ASAP3: variants seen among roughly 807,000 people sequenced by gnomAD.
ASAP3 encodes arf-GAP with SH3 domain, ANK repeat and PH domain-containing protein 3.
In ASAP3, 85 loss-of-function variants were observed where a neutral mutation model predicts 118.2. The ratio of observed to expected loss-of-function variants is 0.72; its 90% CI spans 0.60 to 0.86. ASAP3 has a LOEUF of 0.86. Among genes scored for constraint, ASAP3 ranks in the 40% least tolerant of loss-of-function variants. ASAP3 has a pLI of 0.00. For missense variants in ASAP3, 1,026 were observed against 1,175.0 expected, an observed-to-expected ratio of 0.87 and a Z score of 1.85; for synonymous variants, 432 against 477.4, an observed-to-expected ratio of 0.90 and a Z score of 1.24.
chr1:23,483,870 G>C, intron 1 of ASAP3, 135 bp downstream of exon 1: 1 of 973,096 alleles, frequency 1.0e-6, no homozygotes, highest in Non-Finnish European at 1.3e-6. Flanking sequence ...GATGCGCTCG[G>C]TCCTCCCAGA....
chr1:23,442,235 C>T lies in ASAP3; in HGVS notation c.622G>A (p.Gly208Ser), dbSNP rs1469706785. The T allele has an allele frequency of 1.2e-6, 2 of 1,607,734 alleles. No individual in the cohort carries two copies. Among genetic ancestry groups the T allele is most frequent in the Admixed American group, 3.4e-5 (2 of 58,906 alleles). The change falls in exon 7 of 25, where the codon GGT becomes AGT. Residue 208 changes from glycine (G) to serine (S), a missense_variant. By Grantham distance (56) the Gly-to-Ser change is moderately conservative. Coordinates refer to ENST00000336689, the MANE Select transcript of ASAP3 (RefSeq NM_017707.4). ...ATGAGGCTCTGAAGGAAGTCAGGAC[C>T]TTGCTTCATCTGGCTCTCCCCGGCT... The part of the protein sequence containing the change: ...LKAGESQMKQ[G>S]PDFLQSLIKF...
chr1:23,484,229 C>A, upstream of ASAP3: 1 of 1,158,246 alleles, frequency 8.6e-7, no homozygotes, highest in Non-Finnish European at 1.1e-6. Context: ...GGCGCCGTCC[C>A]GGCCTCCACA....
chr1:23,440,739 C>A (rs1640840446), intron 10 of ASAP3, among the ~76,000 whole-genome samples: 1 of 151,136 alleles, frequency 6.6e-6, no homozygotes, highest in African/African-American at 2.4e-5. Context: ...TGCCTGTAGT[C>A]CCAGCTACTC....
In ASAP3 at chr1:23,429,164, T is replaced by C. The variant is rs1443510260; in HGVS notation, c.*692A>G. ...AGGAGTGACATTCAGAATATTTTTA[T>C]TTAACAGCCAGTACAGCATGCATGT... On this transcript the variant is annotated 3_prime_UTR_variant, in exon 25 of 25. Transcript: ENST00000336689. 6.6e-6 allele frequency: 1 copy of C among 152,486 alleles called. No homozygotes were observed. Among genetic ancestry groups the C allele is most frequent in the African/African-American group, 2.4e-5 (1 of 41,446 alleles). 9.4% of individuals were successfully genotyped at this position (152,486 alleles called of 1,614,324 possible).
At position 23,434,557 on chromosome 1, in the gene ASAP3, A is replaced by G; in HGVS notation, c.1811T>C (p.Leu604Pro). The stretch of plus-strand genomic sequence containing the variant: ...CCCGTTCTGGATGATGAAATCCACC[A>G]GAGGCAGGGAAGCCTGGTTGGCGAC... ...VKVANQASLP[L>P]VDFIIQNGGH... is the part of the protein sequence containing the mutation. Residue 604 changes from leucine to proline, a missense_variant, in exon 18 of 25, where the codon CTG (leucine) becomes CCG (proline). Transcript: ENST00000336689. 1 of 1,614,186 alleles carries G rather than the reference A, an allele frequency of 6.2e-7. No individual in the cohort carries two copies. The highest frequency in any genetic ancestry group is 1.3e-5 in the African/African-American group (1 of 75,030).
intron 1 of ASAP3, among the ~76,000 whole-genome samples, chr1:23,481,144 T>C (rs1011859390): frequency 2.0e-5 from 3 of 152,148 alleles, no homozygotes; most frequent in African/African-American, 7.2e-5. Flanking sequence ...AGTTACTCCA[T>C]CTTATCTGAG....
chr1:23,431,566 A>T (rs1036228186), intron 23 of ASAP3, 130 bp downstream of exon 23: 178 of 902,734 alleles, frequency 2.0e-4, no homozygotes, highest in Non-Finnish European at 2.5e-4. Flanking sequence ...GCATTTCTGC[A>T]TAAGTGATGG....
chr1:23,476,755 C>T (rs1043869929), intron 1 of ASAP3, among the ~76,000 whole-genome samples: 1 of 152,210 alleles, frequency 6.6e-6, no homozygotes, highest in Non-Finnish European at 1.5e-5. Flanking sequence ...CCCTTGGGCC[C>T]CCTTTCAGGG....
chr1:23,472,340 T>C (rs1242799963), intron 1 of ASAP3, among the ~76,000 whole-genome samples: 1 of 152,200 alleles, frequency 6.6e-6, no homozygotes, highest in African/African-American at 2.4e-5. Context: ...AAATGTTTTG[T>C]TTTGTTTTCG....
rs752198805 is a variant in ASAP3 at position 23,437,220 on chromosome 1, C to T, written c.1252G>A (p.Asp418Asn). Residue 418 changes from aspartate to asparagine, a missense_variant, in exon 14 of 25, where the codon GAT becomes AAT. Physicochemically the swap from Asp to Asn is conservative, Grantham distance 23. Coordinates refer to ENST00000336689, the MANE Select transcript of ASAP3 (RefSeq NM_017707.4). This position sits in a 1 kb window ranked among gnomAD's most constrained non-coding sequence, Gnocchi z 6.1. Reference protein sequence around the residue: ...GPGSWGSAGHDGEPHDLTKLL... With the variant: ...GPGSWGSAGHNGEPHDLTKLL... The stretch of plus-strand genomic sequence containing the variant: ...TTTGTGAGGTCGTGCGGCTCCCCAT[C>T]ATGGCCGGCGGACCCCCAGGACCCC... 6.3e-7 allele frequency: 1 copy of T among 1,598,754 alleles called. No individual in the cohort carries two copies. The highest frequency in any genetic ancestry group is 8.5e-7 in the Non-Finnish European group (1 of 1,172,956).
chr1:23,431,605 T>C (rs750326353), intron 23 of ASAP3, 91 bp downstream of exon 23: 94 of 1,233,328 alleles, frequency 7.6e-5, no homozygotes, highest in Admixed American at 7.4e-4. Context: ...ACCCAGTCTT[T>C]AGGCAGGTAC....
intron 1 of ASAP3, among the ~76,000 whole-genome samples, chr1:23,477,376 CAAAAAAAAAAAAA>C (rs11367585): frequency 7.7e-5 from 5 of 64,702 alleles, no homozygotes; most frequent in Admixed American, 2.1e-4. Context: ...GACTCCATCT[CAAAAAAAAAAAAA>C]AAAAAAAAAG....
intron 6 of ASAP3, 57 bp from the exon 7 acceptor site, chr1:23,442,328 G>A (rs375426696): frequency 7.0e-6 from 11 of 1,570,018 alleles, no homozygotes; most frequent in African/African-American, 5.4e-5. Context: ...TCCTGGGAAC[G>A]AGGGGCTGCA....
In ASAP3 at chr1:23,437,213, TC is replaced by T; in HGVS notation, c.1258del (p.Glu420SerfsTer13). ...GAGCAGCTTTGTGAGGTCGTGCGGC[TC>T]CCCATCATGGCCGGCGGACCCCCAG... is the stretch of plus-strand genomic sequence containing the variant. ...GSWGSAGHDG[E>X]PHDLTKLLIA... On this transcript the variant is annotated frameshift_variant, in exon 14 of 25. Coordinates refer to ENST00000336689, the MANE Select transcript of ASAP3 (RefSeq NM_017707.4). LOFTEE classifies it high-confidence loss of function. This position sits in a 1 kb window ranked among gnomAD's most constrained non-coding sequence, Gnocchi z 6.1. 6.2e-7 allele frequency: 1 copy of T among 1,603,252 alleles called. No individual in the cohort carries two copies. The highest frequency in any genetic ancestry group is 8.5e-7 in the Non-Finnish European group (1 of 1,175,256).
intron 1 of ASAP3, among the ~76,000 whole-genome samples, chr1:23,459,969 G>A (rs1411927017): frequency 6.6e-6 from 1 of 152,106 alleles, no homozygotes; most frequent in Non-Finnish European, 1.5e-5. Flanking sequence ...AGCTAACTGT[G>A]GTCATGGGAC....
rs1433253626 is a variant in ASAP3, at chr1:23,436,588, C to T, written c.1543G>A (p.Gly515Ser). ...VMEAQLPSHG[G>S]PKPSAESDMG... The stretch of plus-strand genomic sequence containing the variant: ...TCACTCTCAGCTGAGGGTTTAGGGC[C>T]GCCGTGTGAGGGTAGCTGGGCCTCC... Residue 515 changes from glycine to serine, a missense_variant, in exon 16 of 25, where the codon GGC becomes AGC. Gly to Ser is a moderately conservative substitution (Grantham distance 56). Transcript: ENST00000336689. This position sits in a 1 kb window ranked among gnomAD's most constrained non-coding sequence, Gnocchi z 4.2. The T allele has an allele frequency of 6.2e-7, 1 of 1,614,186 alleles. No individual in the cohort carries two copies. Among genetic ancestry groups the T allele is most frequent in the Non-Finnish European group, 8.5e-7 (1 of 1,180,024 alleles).
chr1:23,467,640 T>C (rs942468982), intron 1 of ASAP3, among the ~76,000 whole-genome samples: 5 of 152,006 alleles, frequency 3.3e-5, no homozygotes, highest in South Asian at 2.1e-4. Flanking sequence ...TCACTGGAAA[T>C]GCAAACAAAC....
chr1:23,457,952 A>G (rs1316827420), intron 1 of ASAP3, among the ~76,000 whole-genome samples: 1 of 152,212 alleles, frequency 6.6e-6, no homozygotes, highest in Non-Finnish European at 1.5e-5. Flanking sequence ...CTAGGCATGG[A>G]GTATGTTCAA....
chr1:23,439,083 G>C, intron 11 of ASAP3, 78 bp downstream of exon 11: 1 of 1,551,302 alleles, frequency 6.4e-7, no homozygotes, highest in Non-Finnish European at 8.9e-7. Flanking sequence ...TAGAGGGAGG[G>C]CTTGACATTA....
Sources: allele counts gnomAD v4.1 joint callset (sites outside exome capture counted in the v4.1 genomes callset), GRCh38; gene constraint gnomAD v4.1.1; non-coding constraint Gnocchi (gnomAD v3.1); transcripts MANE v1.5; gene names NCBI Gene and HGNC (gene_info 2026-07-23, HGNC 2026-07-21).